Variants in TAF3 observed in about 807,000 individuals in gnomAD.
TAF3 encodes the protein transcription initiation factor TFIID subunit 3.
A neutral mutation model predicts 80.6 loss-of-function variants in TAF3; 7 were observed. The ratio of observed to expected loss-of-function variants is 0.09; its 90% CI spans 0.05 to 0.16. The LOEUF (loss-of-function observed/expected upper bound fraction) is 0.16, where lower values mean the gene tolerates loss of function less well. Among genes scored for constraint, TAF3 ranks in the 10% least tolerant of loss-of-function variants. The pLI is 1.00. For missense variants in TAF3, 921 were observed against 1,140.2 expected, an observed-to-expected ratio of 0.81 and a Z score of 2.77; for synonymous variants, 444 against 446.1, an observed-to-expected ratio of 1.00 and a Z score of 0.06.
intron 2 of TAF3, among the ~76,000 whole-genome samples, chr10:7,951,203 C>T (rs534577269): frequency 1.3e-5 from 2 of 152,350 alleles, no homozygotes; most frequent in African/African-American, 4.8e-5. Context: ...AGTATGTGTA[C>T]ATATGAATAC....
At chr10:7,842,970 C>A (rs12414427) in intron 2 of TAF3, among the ~76,000 whole-genome samples, 7,393 of 152,242 alleles carry the variant, frequency 0.049, 301 homozygotes, top group Admixed American at 0.11. Context: ...TAATATCCTC[C>A]GGAATTCTTT....
intron 2 of TAF3, among the ~76,000 whole-genome samples, chr10:7,925,308 C>T (rs1226371463): frequency 6.6e-6 from 1 of 152,222 alleles, no homozygotes; most frequent in African/African-American, 2.4e-5. Context: ...AGGCGAGGCT[C>T]TGCCATAATG....
chr10:7,820,392 A>G (rs1004742322), intron 1 of TAF3, among the ~76,000 whole-genome samples: 1 of 152,254 alleles, frequency 6.6e-6, no homozygotes, highest in Non-Finnish European at 1.5e-5. Context: ...TGTTGAATAA[A>G]TGAATGAACT....
intron 3 of TAF3, among the ~76,000 whole-genome samples, chr10:7,975,368 A>G (rs1831662993): frequency 6.6e-6 from 1 of 152,152 alleles, no homozygotes; most frequent in Admixed American, 6.5e-5. Context: ...CATGCTTTAC[A>G]CTTATCTTAA....
intron 2 of TAF3, among the ~76,000 whole-genome samples, chr10:7,826,393 T>G (rs2131100109): frequency 6.6e-6 from 1 of 152,380 alleles, no homozygotes; most frequent in Middle Eastern, 3.4e-3. Flanking sequence ...GTAACTAAGA[T>G]AACAGGTTTA....
intron 2 of TAF3, among the ~76,000 whole-genome samples, chr10:7,945,616 C>G (rs148728547): frequency 3.3e-5 from 5 of 151,974 alleles, no homozygotes; most frequent in Admixed American, 6.5e-5. Flanking sequence ...CCTACAGTAA[C>G]TACCCACCCG....
chr10:7,894,838 T>A (rs1245881033), intron 2 of TAF3, among the ~76,000 whole-genome samples: 1 of 152,160 alleles, frequency 6.6e-6, no homozygotes, highest in Non-Finnish European at 1.5e-5. Flanking sequence ...TCTTCTGTTT[T>A]TTATTTGATG....
At chr10:7,861,316 C>T (rs1260822618) in intron 2 of TAF3, among the ~76,000 whole-genome samples, 1 of 152,082 alleles carries the variant, frequency 6.6e-6, no homozygotes, top group African/African-American at 2.4e-5. Flanking sequence ...CTATCTTGGC[C>T]AGGCTGGTCT....
chr10:8,000,219 C>G (rs145664339), intron 4 of TAF3, among the ~76,000 whole-genome samples: 2 of 152,132 alleles, frequency 1.3e-5, no homozygotes, highest in African/African-American at 4.8e-5. Context: ...TGGGTTCAAG[C>G]GATTCTCTAG....
chr10:7,869,132 A>C (rs1272926725), intron 2 of TAF3, among the ~76,000 whole-genome samples: 1 of 152,194 alleles, frequency 6.6e-6, no homozygotes, highest in Non-Finnish European at 1.5e-5. Context: ...AAAATATTCT[A>C]GAAGATAGTA....
intron 2 of TAF3, among the ~76,000 whole-genome samples, chr10:7,893,904 C>T (rs2131165243): frequency 6.6e-6 from 1 of 152,050 alleles, no homozygotes; most frequent in East Asian, 1.9e-4. Context: ...TCTCAAAAGA[C>T]CCCTTAAGAA....
chr10:7,857,755 C>T (rs1837095140), intron 2 of TAF3, among the ~76,000 whole-genome samples: 1 of 148,526 alleles, frequency 6.7e-6, no homozygotes, highest in Non-Finnish European at 1.5e-5. Flanking sequence ...TGATTATTTA[C>T]CTCAGTATCT....
chr10:7,999,792 T>TG (rs1331947309), intron 4 of TAF3, among the ~76,000 whole-genome samples: 8 of 152,158 alleles, frequency 5.3e-5, no homozygotes, highest in Admixed American at 5.2e-4. Context: ...ATACCATCAT[T>TG]GTAGGAGGTT....
chr10:7,867,051 G>A (rs964873588), intron 2 of TAF3, among the ~76,000 whole-genome samples: 14 of 152,274 alleles, frequency 9.2e-5, no homozygotes, highest in African/African-American at 3.4e-4. Context: ...CTGAGGTCAG[G>A]AGTCTGAGAC....
chr10:8,006,227 T>G (rs1271941087), intron 4 of TAF3, among the ~76,000 whole-genome samples: 1 of 124,672 alleles, frequency 8.0e-6, no homozygotes. Context: ...CACACACAAA[T>G]TAGCTGGGCG....
At chr10:7,992,101 G>A (rs1831841480) in intron 4 of TAF3, among the ~76,000 whole-genome samples, 1 of 152,184 alleles carries the variant, frequency 6.6e-6, no homozygotes. Context: ...AGGGACTACA[G>A]AAAGTAAAGT....
intron 3 of TAF3, among the ~76,000 whole-genome samples, chr10:7,975,956 C>T (rs1211328983): frequency 6.6e-6 from 1 of 152,164 alleles, no homozygotes; most frequent in Non-Finnish European, 1.5e-5. Context: ...TGCCTTACAA[C>T]AAAGAACCAT....
At chr10:7,862,757 T>C (rs1393983675) in intron 2 of TAF3, among the ~76,000 whole-genome samples, 16 of 152,230 alleles carry the variant, frequency 1.1e-4, no homozygotes, top group Admixed American at 1.0e-3. Flanking sequence ...TTTTCTAGAA[T>C]TTTATATAAG....
intron 2 of TAF3, among the ~76,000 whole-genome samples, chr10:7,894,312 A>T (rs1313457990): frequency 6.6e-6 from 1 of 152,194 alleles, no homozygotes; most frequent in Non-Finnish European, 1.5e-5. Context: ...TCACAGAGCA[A>T]ACGTGAAAAA....
Sources: allele counts gnomAD v4.1 joint callset (sites outside exome capture counted in the v4.1 genomes callset), GRCh38; gene constraint gnomAD v4.1.1; transcripts MANE v1.5; gene names NCBI Gene and HGNC (gene_info 2026-07-23, HGNC 2026-07-21).